The following CELSR1 variants were observed in gnomAD, a reference collection of about 807,000 sequenced individuals.
The protein encoded by CELSR1 is adhesion G protein-coupled receptor C1.
A neutral mutation model predicts 249.1 loss-of-function variants in CELSR1; 110 were observed. The observed-to-expected ratio is 0.44, with a 90% CI of 0.38 to 0.52. The LOEUF (loss-of-function observed/expected upper bound fraction) is 0.52. Among genes scored for constraint, CELSR1 ranks in the 20% least tolerant of loss-of-function variants. The pLI is 0.00. For synonymous variants in CELSR1, 2,113 were observed against 1,900.0 expected (o/e 1.11, Z -2.92); for missense variants, 4,109 against 4,296.4 (o/e 0.96, Z 1.22).
rs753137730 is a variant in CELSR1, at chr22:46,364,461, G to A, written c.8779+51C>T. 3.8e-6 allele frequency: 6 copies of A among 1,566,206 alleles called. No individual in the cohort carries two copies. The South Asian group carries it at 5.9e-5, about 15-fold the overall frequency. On this transcript the variant is annotated intron_variant, in intron 33 of 34. Transcript: ENST00000674500. ...ACTCCCACCTCCAGACCAGGGACTG[G>A]CCCTTCTGGGTCCTCCAGCCTTTCA...
At chr22:46,509,660 G>A (rs767093668) in intron 1 of CELSR1, among the ~76,000 whole-genome samples, 1 of 152,196 alleles carries the variant, frequency 6.6e-6, no homozygotes, top group East Asian at 1.9e-4. Flanking sequence ...GCGGTGCTGG[G>A]GGAGACCCTG....
At chr22:46,370,272 T>C in intron 25 of CELSR1, 1 of 392,956 alleles carries the variant, frequency 2.5e-6, no homozygotes, top group Non-Finnish European at 5.1e-6. Context: ...GAGGAACGCA[T>C]ATACCCCCAT....
rs776147382 is a variant in CELSR1, at chr22:46,390,482, A to G, written c.6255T>C (p.Asn2085=). 1.3e-4 allele frequency: 209 copies of G among 1,613,406 alleles called. No homozygotes were observed. The highest frequency in any genetic ancestry group is 1.6e-4 in the Non-Finnish European group (194 of 1,179,690). Residue 2085 remains asparagine (N), a synonymous_variant, in exon 17 of 35, where the codon AAT becomes AAC. Coordinates refer to ENST00000674500, the MANE Select transcript of CELSR1 (RefSeq NM_001378328.1). The surrounding 1 kb of genome is among the most constrained non-coding windows in gnomAD (Gnocchi z 6.3). ...AVPCPKGSVG[N]AVRHCSGEKG... ...TCTCCCCGCTGCAGTGTCGGACCGC[A>G]TTTCCTGGGGAAGGAGAGCAGGTGT...
At chr22:46,496,536 C>A (rs1232553501) in intron 1 of CELSR1, among the ~76,000 whole-genome samples, 2 of 152,184 alleles carry the variant, frequency 1.3e-5, no homozygotes, top group Admixed American at 1.3e-4. Context: ...CCACTGCACT[C>A]CCGCCTGGGT....
At chr22:46,392,910 C>A (rs904116680) in intron 14 of CELSR1, among the ~76,000 whole-genome samples, 32 of 152,136 alleles carry the variant, frequency 2.1e-4, no homozygotes, top group African/African-American at 7.5e-4. Flanking sequence ...CAATGCACTC[C>A]CCATGTTCTC....
rs1355570552 is a variant in CELSR1, at chr22:46,410,479, C to T, written c.4852G>A (p.Val1618Met). 1.4e-5 allele frequency: 22 copies of T among 1,613,984 alleles called. No individual in the cohort carries two copies. The highest frequency in any genetic ancestry group is 8.9e-5 in the East Asian group (4 of 44,874). Residue 1618 changes from valine (V) to methionine (M), a missense_variant, in exon 7 of 35, where the codon GTG becomes ATG. Transcript: ENST00000674500. This position sits in a 1 kb window ranked among gnomAD's most constrained non-coding sequence, Gnocchi z 6.8. ...EDFPVHNRQFVGCMRNLSVDG... is the reference protein window; with the variant it reads ...EDFPVHNRQFMGCMRNLSVDG... ...ACTGACAGGTTCCGCATGCAGCCCA[C>T]GAACTGCCGGTTGTGCACTGGGAAG...
intron 1 of CELSR1, among the ~76,000 whole-genome samples, chr22:46,475,663 G>GGA (rs1240944520): frequency 6.7e-6 from 1 of 149,810 alleles, no homozygotes; most frequent in Non-Finnish European, 1.5e-5. Context: ...AACGAATGGG[G>GGA]GGGGAAGAAA....
At chr22:46,419,760 A>T (rs971725249) in intron 5 of CELSR1, among the ~76,000 whole-genome samples, 5 of 149,458 alleles carry the variant, frequency 3.3e-5, no homozygotes, top group African/African-American at 1.2e-4. Context: ...TCAAACCCAC[A>T]CGTGCACACT....
chr22:46,435,439 A>G (rs1269106196), intron 4 of CELSR1, among the ~76,000 whole-genome samples: 3 of 150,432 alleles, frequency 2.0e-5, no homozygotes, highest in Non-Finnish European at 1.5e-5. Flanking sequence ...GTGCCACCAT[A>G]CCTGGCTAAT....
At chr22:46,531,862 G>A (rs988388573) in intron 1 of CELSR1, among the ~76,000 whole-genome samples, 3 of 152,130 alleles carry the variant, frequency 2.0e-5, no homozygotes, top group Non-Finnish European at 4.4e-5. Flanking sequence ...GGTGGTCTGG[G>A]GGGTGGTGTG....
intron 3 of CELSR1, 100 bp downstream of exon 3, chr22:46,439,089 G>T: frequency 1.7e-6 from 2 of 1,154,162 alleles, no homozygotes; most frequent in South Asian, 1.4e-5. Flanking sequence ...GGCCACACAC[G>T]GAGGACATCA....
intron 2 of CELSR1, among the ~76,000 whole-genome samples, chr22:46,456,320 C>A (rs922707278): frequency 6.6e-6 from 1 of 152,108 alleles, no homozygotes; most frequent in Non-Finnish European, 1.5e-5. Flanking sequence ...GGGATGAGTG[C>A]GTCAGCAGAT....
chr22:46,522,977 G>A (rs941030358), intron 1 of CELSR1, among the ~76,000 whole-genome samples: 7 of 152,238 alleles, frequency 4.6e-5, no homozygotes, highest in African/African-American at 9.6e-5. Flanking sequence ...GGCCTTGGCC[G>A]ACAGCGGAAC....
rs1297056417 is a variant in CELSR1, at chr22:46,410,499, G to A, written c.4832C>T (p.Pro1611Leu). The change falls in exon 7 of 35, where the codon CCA becomes CTA. Residue 1611 changes from proline (P) to leucine (L), a missense_variant. Coordinates refer to ENST00000674500, the MANE Select transcript of CELSR1 (RefSeq NM_001378328.1). The surrounding 1 kb of genome is among the most constrained non-coding windows in gnomAD (Gnocchi z 6.8). The stretch of plus-strand genomic sequence containing the variant: ...GCCCACGAACTGCCGGTTGTGCACT[G>A]GGAAGTCTTCTGGCAGGTTGGGGAC... ...GGVPNLPEDF[P>L]VHNRQFVGCM... 4 of 1,614,002 alleles carry A rather than the reference G, an allele frequency of 2.5e-6. No homozygotes were observed. In the African/African-American group the frequency reaches 4.0e-5, roughly 16 times the overall value.
Position 46,381,579 on chromosome 22 carries a change from A to G in CELSR1, c.7088+267T>C, listed in dbSNP as rs529546632. Among the ~76,000 whole-genome samples, 153 of 152,288 alleles carry G rather than the reference A, an allele frequency of 1.0e-3. No homozygotes were observed. The highest frequency in any genetic ancestry group is 3.5e-3 in the African/African-American group (145 of 41,552). On this transcript the variant is annotated intron_variant, in intron 21 of 34. Coordinates refer to ENST00000674500, the MANE Select transcript of CELSR1 (RefSeq NM_001378328.1). The surrounding 1 kb of genome is among the most constrained non-coding windows in gnomAD (Gnocchi z 6.0). ...TCCCTCTGGGCACAAGATGGGGTGTATGCTGGGGAGGGGGCATTTCTGGCA... is the reference window on the plus strand; with the variant it reads ...TCCCTCTGGGCACAAGATGGGGTGTGTGCTGGGGAGGGGGCATTTCTGGCA...
intron 2 of CELSR1, among the ~76,000 whole-genome samples, chr22:46,461,587 G>C (rs569321417): frequency 1.8e-4 from 28 of 152,322 alleles, no homozygotes; most frequent in African/African-American, 6.0e-4. Context: ...AGCCAGAGGT[G>C]GTGGGTGCTT....
At chr22:46,494,440 T>C (rs1208459558) in intron 1 of CELSR1, among the ~76,000 whole-genome samples, 1 of 152,366 alleles carries the variant, frequency 6.6e-6, no homozygotes, top group East Asian at 1.9e-4. Flanking sequence ...AATGATATCT[T>C]CATAACATTG....
chr22:46,389,434 C>T lies in CELSR1; in HGVS notation c.6411G>A (p.Ala2137=), dbSNP rs35091156. 3.7e-3 allele frequency: 5,918 copies of T among 1,612,832 alleles called. 189 individuals carry two copies. In the African/African-American group the frequency reaches 0.066, roughly 18 times the overall value. Residue 2137 remains alanine, a synonymous_variant, in exon 18 of 35, where the codon GCG becomes GCA. Transcript: ENST00000674500. ...CCGTGTGCTGTGTAGCACTGCGCAGCGCCCTCACCAGCTGCAGGGCCCTGG... is the reference window on the plus strand; with the variant it reads ...CCGTGTGCTGTGTAGCACTGCGCAGTGCCCTCACCAGCTGCAGGGCCCTGG... ...DGARALQLVR[A]LRSATQHTGT...
In CELSR1 at chr22:46,391,887, C is replaced by A; in HGVS notation, c.5965-71G>T. On this transcript the variant is annotated intron_variant, in intron 14 of 34. Transcript: ENST00000674500. The surrounding 1 kb of genome is among the most constrained non-coding windows in gnomAD (Gnocchi z 4.3). ...AGGCCCTACCTTGCAGCGTGTTTCCCGAGCGACGTCCAGACTCCCACCCGG... is the reference window on the plus strand; with the variant it reads ...AGGCCCTACCTTGCAGCGTGTTTCCAGAGCGACGTCCAGACTCCCACCCGG... 2 of 1,492,534 alleles carry A rather than the reference C, an allele frequency of 1.3e-6. No homozygotes were observed. The highest frequency in any genetic ancestry group is 1.8e-6 in the Non-Finnish European group (2 of 1,110,050). 92.5% of individuals were successfully genotyped at this position (1,492,534 alleles called of 1,614,324 possible). A position where few individuals can be genotyped will look rare whatever the true frequency, so the allele number is the denominator to read the frequency against.
Sources: allele counts gnomAD v4.1 joint callset (sites outside exome capture counted in the v4.1 genomes callset), GRCh38; gene constraint gnomAD v4.1.1; non-coding constraint Gnocchi (gnomAD v3.1); transcripts MANE v1.5; gene names NCBI Gene and HGNC (gene_info 2026-07-23, HGNC 2026-07-21).